Variants in SHISAL2B observed in about 807,000 individuals in gnomAD.
SHISAL2B encodes the protein protein shisa-like-2B.
SHISAL2B carries 12 observed loss-of-function variants against 16.5 expected under a neutral mutation model. The ratio of observed to expected loss-of-function variants is 0.73; its 90% CI spans 0.47 to 1.18. The LOEUF (loss-of-function observed/expected upper bound fraction) is 1.18. Among genes scored for constraint, SHISAL2B ranks in the 50% most tolerant of loss-of-function variants. SHISAL2B has a pLI of 0.00. For synonymous variants in SHISAL2B, 72 were observed against 75.0 expected (o/e 0.96, Z 0.21); for missense variants, 183 against 193.6 (o/e 0.95, Z 0.33).
intron 2 of SHISAL2B, among the ~76,000 whole-genome samples, chr5:64,696,445 G>A (rs541356105): frequency 4.6e-5 from 7 of 152,288 alleles, no homozygotes; most frequent in Admixed American, 3.3e-4. Flanking sequence ...GACTGCCTGC[G>A]GGGTTGGGCA....
chr5:64,714,906 C>A (rs955386807), intron 2 of SHISAL2B, among the ~76,000 whole-genome samples: 1 of 152,184 alleles, frequency 6.6e-6, no homozygotes, highest in Admixed American at 6.5e-5. Context: ...AGCTCGTGCA[C>A]GGTGCGTGCA....
Sources: allele counts gnomAD v4.1 joint callset (sites outside exome capture counted in the v4.1 genomes callset), GRCh38; gene constraint gnomAD v4.1.1; transcripts MANE v1.5; gene names NCBI Gene and HGNC (gene_info 2026-07-23, HGNC 2026-07-21).